Variants in HMGCL observed in about 807,000 individuals in gnomAD.
The protein encoded by HMGCL is 3-hydroxy-3-methylglutaryl-CoA lyase, also known as hydroxymethylglutaryl-CoA lyase, mitochondrial.
HMGCL carries 26 observed loss-of-function variants against 37.3 expected under a neutral mutation model. That is an observed-to-expected ratio of 0.70 (90% CI 0.51 to 0.97). The LOEUF (loss-of-function observed/expected upper bound fraction) is 0.97. Ranked by LOEUF, HMGCL falls within the 50% of genes least tolerant of loss-of-function variation. The pLI is 0.00. For synonymous variants in HMGCL, 151 were observed against 148.0 expected, an observed-to-expected ratio of 1.02 and a Z score of -0.15; for missense variants, 379 against 398.1, an observed-to-expected ratio of 0.95 and a Z score of 0.41.
At chr1:23,818,701 G>T (rs1225830788) in intron 2 of HMGCL, among the ~76,000 whole-genome samples, 2 of 151,856 alleles carry the variant, frequency 1.3e-5, no homozygotes, top group East Asian at 3.9e-4. Context: ...ACACAAGCAT[G>T]CCACCACCCC....
intron 3 of HMGCL, 104 bp from the exon 4 acceptor site, chr1:23,816,874 A>G (rs1190122723): frequency 2.6e-6 from 2 of 781,674 alleles, no homozygotes; most frequent in East Asian, 4.9e-5. Context: ...CAGAACTCTT[A>G]GCGAGTAATT....
intron 3 of HMGCL, 67 bp downstream of exon 3, chr1:23,817,409 G>T: frequency 1.1e-6 from 1 of 915,016 alleles, no homozygotes; most frequent in Non-Finnish European, 1.8e-6. Context: ...ACTTCTACTT[G>T]CTTCAAAGGC....
intron 6 of HMGCL, chr1:23,810,222 G>T: frequency 5.5e-6 from 1 of 181,078 alleles, no homozygotes; most frequent in East Asian, 1.4e-4. Flanking sequence ...TTCACCATTT[G>T]TAACCTGTGT....
intron 4 of HMGCL, among the ~76,000 whole-genome samples, chr1:23,815,368 T>C (rs1638593858): frequency 6.6e-6 from 1 of 151,928 alleles, no homozygotes; most frequent in South Asian, 2.1e-4. Flanking sequence ...TAGGACAGAT[T>C]CTCCCAGAGG....
chr1:23,814,234 G>A lies in HMGCL; in HGVS notation c.453C>T (p.Asp151=), dbSNP rs148943423. 137 of 1,613,924 alleles carry A rather than the reference G, an allele frequency of 8.5e-5. No homozygotes were observed. Among genetic ancestry groups the A allele is most frequent in the East Asian group, 1.8e-4 (8 of 44,902 alleles). Residue 151 remains aspartate, a synonymous_variant, in exon 5 of 9, where the codon GAC becomes GAT. Coordinates refer to ENST00000374490, the MANE Select transcript of HMGCL (RefSeq NM_000191.3). ...CTGACTGCGCTGCCTTCAGGATTGC[G>A]TCAAACCTCTGAAAACTCTCCTCTA... is the stretch of plus-strand genomic sequence containing the variant. ...CSIEESFQRF[D]AILKAAQSAN... is the part of the protein sequence containing the mutation.
Position 23,808,133 on chromosome 1 carries a change from A to G in HMGCL, c.750+2T>C. The G allele has an allele frequency of 6.2e-7, 1 of 1,613,388 alleles. No individual in the cohort carries two copies. Among genetic ancestry groups the G allele is most frequent in the Non-Finnish European group, 8.5e-7 (1 of 1,179,424 alleles). On this transcript the variant is annotated splice_donor_variant, in intron 7 of 8. Transcript: ENST00000374490. LOFTEE classifies it high-confidence loss of function. ...GGAGAATGGGCATATGCTTTTGATT[A>G]CCTGCAGGGCCATCAAGGTGTTGGC...
intron 3 of HMGCL, 57 bp downstream of exon 3, chr1:23,817,419 C>G: frequency 9.7e-7 from 1 of 1,035,966 alleles, no homozygotes. Context: ...GCTTCAAAGG[C>G]AAATGCAAAA....
Position 23,804,530 on chromosome 1 carries a change from A to T in HMGCL, c.751-5T>A. The stretch of plus-strand genomic sequence containing the variant: ...GTCCACGACACTCACTCCCATCTAG[A>T]AACATAAGGATGGTGAAACACAGTT... On this transcript the variant is annotated splice_polypyrimidine_tract_variant and splice_region_variant and intron_variant, in intron 7 of 8. Coordinates refer to ENST00000374490, the MANE Select transcript of HMGCL (RefSeq NM_000191.3). 1.9e-6 allele frequency: 3 copies of T among 1,614,152 alleles called. No homozygotes were observed. The highest frequency in any genetic ancestry group is 2.5e-6 in the Non-Finnish European group (3 of 1,180,016).
intron 6 of HMGCL, 114 bp downstream of exon 6, chr1:23,810,622 G>A (rs1467998561): frequency 3.5e-6 from 3 of 848,186 alleles, no homozygotes; most frequent in South Asian, 1.4e-5. Context: ...GGAGCTGGGT[G>A]AATGAATGAA....
At position 23,802,294 on chromosome 1, in the gene HMGCL, G is replaced by C; in HGVS notation, c.*169C>G. The stretch of plus-strand genomic sequence containing the variant: ...GGGCAGGAGGTCCTTCTGCCAAGCA[G>C]CTCCTCCTGCCCTTCGCCTGCTTTC... On this transcript the variant is annotated 3_prime_UTR_variant, in exon 9 of 9. Coordinates refer to ENST00000374490, the MANE Select transcript of HMGCL (RefSeq NM_000191.3). The C allele has an allele frequency of 4.6e-6, 3 of 645,512 alleles. No homozygotes were observed. The highest frequency in any genetic ancestry group is 8.4e-6 in the Non-Finnish European group (3 of 358,208). 40.0% of individuals were successfully genotyped at this position (645,512 alleles called of 1,614,324 possible).
chr1:23,803,385 A>G (rs1038734412), intron 8 of HMGCL, among the ~76,000 whole-genome samples: 1 of 152,198 alleles, frequency 6.6e-6, no homozygotes, highest in Non-Finnish European at 1.5e-5. Context: ...TATTTTTAGT[A>G]GAGATGGGGT....
At position 23,825,392 on chromosome 1, in the gene HMGCL, A is replaced by T; in HGVS notation, c.24T>A (p.Leu8=). The T allele has an allele frequency of 1.3e-6, 2 of 1,561,342 alleles. No individual in the cohort carries two copies. The highest frequency in any genetic ancestry group is 1.7e-6 in the Non-Finnish European group (2 of 1,153,364). The change falls in exon 1 of 9, where the codon CTT becomes CTA. Residue 8 remains leucine, a synonymous_variant. Transcript: ENST00000374490. The part of the protein sequence containing the change: MAAMRKA[L]PRRLVGLASL... Reference sequence around the variant, plus strand: ...ACGCCAAGCCCACCAGTCGCCGCGGAAGCGCCTTCCTCATTGCTGCCATCT... The same window carrying T: ...ACGCCAAGCCCACCAGTCGCCGCGGTAGCGCCTTCCTCATTGCTGCCATCT...
At chr1:23,807,103 G>A (rs1040679393) in intron 7 of HMGCL, 2 of 518,926 alleles carry the variant, frequency 3.9e-6, no homozygotes, top group African/African-American at 3.8e-5. Context: ...AAGCACAGAG[G>A]AGCAGGAGTG....
chr1:23,820,902 A>G (rs572019500), intron 1 of HMGCL, among the ~76,000 whole-genome samples: 1 of 152,166 alleles, frequency 6.6e-6, no homozygotes, highest in South Asian at 2.1e-4. Flanking sequence ...CAGAACTCTA[A>G]TTTCTCCTAA....
chr1:23,824,338 T>G (rs1173284581), intron 1 of HMGCL, among the ~76,000 whole-genome samples: 1 of 152,168 alleles, frequency 6.6e-6, no homozygotes, highest in Non-Finnish European at 1.5e-5. Context: ...CTAATACTGG[T>G]TCCTATGCTT....
intron 1 of HMGCL, among the ~76,000 whole-genome samples, chr1:23,822,520 T>G (rs1557494447): frequency 2.6e-5 from 4 of 152,222 alleles, no homozygotes; most frequent in African/African-American, 9.7e-5. Context: ...GAAGGCACAC[T>G]GTGTGATCCG....
chr1:23,812,595 C>T (rs1557489903), intron 5 of HMGCL, among the ~76,000 whole-genome samples: 1 of 152,084 alleles, frequency 6.6e-6, no homozygotes, highest in Non-Finnish European at 1.5e-5. Flanking sequence ...GCTGAAGCAA[C>T]CTGCCCACCT....
Position 23,804,514 on chromosome 1 carries a change from A to G in HMGCL, c.762T>C (p.Ser254=), listed in dbSNP as rs983682054. 5.6e-6 allele frequency: 9 copies of G among 1,614,086 alleles called. No homozygotes were observed. Among genetic ancestry groups the G allele is most frequent in the Non-Finnish European group, 7.6e-6 (9 of 1,179,988 alleles). The part of the protein sequence containing the change: ...NTLMALQMGV[S]VVDSSVAGLG... Reference sequence around the variant, plus strand: ...GTCCTGCCACAGAAGAGTCCACGACACTCACTCCCATCTAGAAACATAAGG... The same window carrying G: ...GTCCTGCCACAGAAGAGTCCACGACGCTCACTCCCATCTAGAAACATAAGG... Residue 254 remains serine (S), a synonymous_variant, in exon 8 of 9, where the codon AGT becomes AGC. Transcript: ENST00000374490.
At position 23,808,335 on chromosome 1, in the gene HMGCL, A is replaced by C; in HGVS notation, c.562-12T>G. 1 of 1,612,854 alleles carries C rather than the reference A, an allele frequency of 6.2e-7. No individual in the cohort carries two copies. The highest frequency in any genetic ancestry group is 8.5e-7 in the Non-Finnish European group (1 of 1,178,896). ...AACTTCTTGGTGACCTAAGGAAGCAAGCAGGCACTTGGAGGATACAGAATC... is the reference window on the plus strand; with the variant it reads ...AACTTCTTGGTGACCTAAGGAAGCACGCAGGCACTTGGAGGATACAGAATC... On this transcript the variant is annotated splice_polypyrimidine_tract_variant and intron_variant, in intron 6 of 8. Transcript: ENST00000374490.
Sources: gnomAD v4.1 joint callset for allele counts (sites outside exome capture counted in the v4.1 genomes callset) on GRCh38, gnomAD v4.1.1 for gene constraint, MANE v1.5 for transcripts, NCBI Gene and HGNC (gene_info 2026-07-23, HGNC 2026-07-21) for gene names.